The following LINC00305 variants were observed in gnomAD, a reference collection of about 807,000 sequenced individuals.
LINC00305 encodes long intergenic non-protein coding RNA 305.
chr18:64,117,109 GT>G (rs748046687), intron 1 of LINC00305, among the ~76,000 whole-genome samples: 1 of 152,050 alleles, frequency 6.6e-6, no homozygotes, highest in Non-Finnish European at 1.5e-5. Flanking sequence ...AAAGCTTAGT[GT>G]TTTTTTGGAA....
At chr18:64,117,294 C>T (rs1039152481) in intron 1 of LINC00305, among the ~76,000 whole-genome samples, 1 of 152,160 alleles carries the variant, frequency 6.6e-6, no homozygotes, top group Admixed American at 6.5e-5. Context: ...AGTGACCCCA[C>T]CATGATAGCT....
chr18:64,080,247 T>C (rs2051179401), exon 4 of LINC00305: 1 of 442,888 alleles, frequency 2.3e-6, no homozygotes, highest in African/African-American at 2.0e-5. Flanking sequence ...ACCTCTGATC[T>C]CTCCCTAACT....
chr18:64,132,221 T>G (rs2051412860), intron 1 of LINC00305, among the ~76,000 whole-genome samples: 1 of 152,214 alleles, frequency 6.6e-6, no homozygotes. Context: ...AAAACATCAT[T>G]TTAAGTGATT....
intron 1 of LINC00305, among the ~76,000 whole-genome samples, chr18:64,115,133 A>G (rs1009956713): frequency 6.6e-6 from 1 of 152,086 alleles, no homozygotes; most frequent in African/African-American, 2.4e-5. Context: ...TGAAGACTAC[A>G]CTCATCTCCG....
intron 2 of LINC00305, chr18:64,098,560 T>C (rs1304391948): frequency 2.3e-6 from 1 of 441,838 alleles, no homozygotes; most frequent in Non-Finnish European, 4.5e-6. Context: ...AAGAAAGAAT[T>C]TGAAATGGTT....
At chr18:64,118,616 C>T (rs370469624) in intron 1 of LINC00305, among the ~76,000 whole-genome samples, 3 of 152,186 alleles carry the variant, frequency 2.0e-5, no homozygotes, top group African/African-American at 4.8e-5. Context: ...ACACATTCTG[C>T]GTGGAATGCT....
intron 1 of LINC00305, chr18:64,147,070 G>C (rs1304341741): frequency 6.6e-6 from 1 of 152,074 alleles, no homozygotes; most frequent in Non-Finnish European, 1.5e-5. Flanking sequence ...TGTATATTTA[G>C]TGTAAAAGAA....
intron 3 of LINC00305, among the ~76,000 whole-genome samples, chr18:64,092,552 ACT>A (rs1244486731): frequency 6.6e-6 from 1 of 152,068 alleles, no homozygotes; most frequent in East Asian, 1.9e-4. Context: ...ACAGAATGAG[ACT>A]CTGTCTCAAA....
At chr18:64,113,378 T>C (rs555209764) in intron 1 of LINC00305, among the ~76,000 whole-genome samples, 200 of 152,340 alleles carry the variant, frequency 1.3e-3, no homozygotes, top group Non-Finnish European at 2.1e-3. Flanking sequence ...AGAAGAGTAG[T>C]TGCATATTTA....
chr18:64,094,990 A>T (rs1429124549), intron 3 of LINC00305, among the ~76,000 whole-genome samples: 3 of 152,170 alleles, frequency 2.0e-5, no homozygotes. Context: ...TGGATACAGA[A>T]AACTGACCTC....
intron 1 of LINC00305, among the ~76,000 whole-genome samples, chr18:64,135,879 T>A (rs2144272546): frequency 6.6e-6 from 1 of 152,288 alleles, no homozygotes; most frequent in Non-Finnish European, 1.5e-5. Flanking sequence ...GTGCCTGGCC[T>A]ATTTTCTTTC....
chr18:64,134,927 A>G (rs955812663), intron 1 of LINC00305, among the ~76,000 whole-genome samples: 55 of 152,200 alleles, frequency 3.6e-4, no homozygotes, highest in African/African-American at 1.3e-3. Flanking sequence ...AGGAGTTAAC[A>G]GATAATGTCT....
At chr18:64,119,451 T>C (rs2051352213) in intron 1 of LINC00305, among the ~76,000 whole-genome samples, 1 of 152,184 alleles carries the variant, frequency 6.6e-6, no homozygotes, top group African/African-American at 2.4e-5. Context: ...TAAAGTTATA[T>C]CTAATTAATT....
chr18:64,111,844 T>C (rs1340353323), intron 1 of LINC00305, among the ~76,000 whole-genome samples: 1 of 152,190 alleles, frequency 6.6e-6, no homozygotes, highest in East Asian at 1.9e-4. Flanking sequence ...TTAATACTTT[T>C]TAATAGTAAA....
chr18:64,141,995 T>C (rs2051465762), intron 1 of LINC00305, among the ~76,000 whole-genome samples: 1 of 152,208 alleles, frequency 6.6e-6, no homozygotes, highest in South Asian at 2.1e-4. Flanking sequence ...ATTATTGAGC[T>C]ATAAAGGTCT....
intron 1 of LINC00305, among the ~76,000 whole-genome samples, chr18:64,136,464 A>C (rs920964413): frequency 4.6e-5 from 7 of 152,136 alleles, no homozygotes; most frequent in African/African-American, 1.7e-4. Flanking sequence ...GAGAGAAGGG[A>C]GAAGCCCCTT....
chr18:64,107,422 G>C (rs1054594474), intron 1 of LINC00305, among the ~76,000 whole-genome samples: 5 of 152,196 alleles, frequency 3.3e-5, no homozygotes, highest in Admixed American at 6.5e-5. Context: ...TAGTGTCGAG[G>C]AAAGAGAAAA....
rs926510321 is a variant in LINC00305, at chr18:64,081,123, T to C, written n.541-721A>G. On this transcript the variant is annotated intron_variant and non_coding_transcript_variant, in intron 3 of 3. Coordinates refer to ENST00000666468, the Ensembl canonical transcript of LINC00305. The stretch of plus-strand genomic sequence containing the variant: ...TTTAGTGAAAAGTTGTGAGTTGTTT[T>C]ATTTTTTCCTGAACCAAATAGCTAT... Among the ~76,000 whole-genome samples the C allele has an allele frequency of 4.6e-5, 7 of 152,362 alleles. No homozygotes were observed. The South Asian group carries it at 1.4e-3, about 32-fold the overall frequency.
intron 1 of LINC00305, among the ~76,000 whole-genome samples, chr18:64,117,696 A>T (rs558781774): frequency 6.6e-6 from 1 of 152,278 alleles, no homozygotes; most frequent in African/African-American, 2.4e-5. Context: ...TGGTTCACTC[A>T]AGTGCATGTA....
Sources: gnomAD v4.1 joint callset for allele counts (sites outside exome capture counted in the v4.1 genomes callset) on GRCh38, gnomAD v4.1.1 for gene constraint, MANE v1.5 for transcripts, NCBI Gene and HGNC (gene_info 2026-07-23, HGNC 2026-07-21) for gene names.